ITGA10: variants seen among roughly 807,000 people sequenced by gnomAD.
ITGA10 encodes integrin alpha-10.
In ITGA10, 105 loss-of-function variants were observed where a neutral mutation model predicts 145.2. The ratio of observed to expected loss-of-function variants is 0.72; its 90% confidence interval spans 0.62 to 0.85. The LOEUF (loss-of-function observed/expected upper bound fraction) is 0.85, where lower values mean the gene tolerates loss of function less well. ITGA10 is among the 40% of genes least tolerant of loss of function. ITGA10 has a pLI of 0.00. For missense variants in ITGA10, 1,317 were observed against 1,444.5 expected, an observed-to-expected ratio of 0.91 and a Z score of 1.43; for synonymous variants, 506 against 557.8, an observed-to-expected ratio of 0.91 and a Z score of 1.31.
At position 145,910,044 on chromosome 1, in the gene ITGA10, G is replaced by A; in HGVS notation, c.-30C>T. On this transcript the variant is annotated 5_prime_UTR_variant, in exon 1 of 30. Transcript: ENST00000369304. The stretch of plus-strand genomic sequence containing the variant: ...GATCGGTTTCTGTCCAGTATGAGAA[G>A]TCCTCTGGCCTCTGTCCCTCTCCTT... 4 of 1,590,610 alleles carry A rather than the reference G, an allele frequency of 2.5e-6. No individual in the cohort carries two copies. Among genetic ancestry groups the A allele is most frequent in the South Asian group, 1.1e-5 (1 of 90,600 alleles).
chr1:145,895,284 C>T lies in ITGA10; in HGVS notation c.3224G>A (p.Arg1075Gln), dbSNP rs782157350. 4.5e-5 allele frequency: 72 copies of T among 1,611,380 alleles called. No homozygotes were observed. The highest frequency in any genetic ancestry group is 6.7e-5 in the East Asian group (3 of 44,880). The change falls in exon 27 of 30, where the codon CGA becomes CAA. Residue 1075 changes from arginine (R) to glutamine (Q), a missense_variant. Coordinates refer to ENST00000369304, the MANE Select transcript of ITGA10 (RefSeq NM_003637.5). ...ACTAGAAAAGGAAAGGCTTACTCTT[C>T]GGAAAAATTCATTGTGAACCAGCCT... The part of the protein sequence containing the change: ...LLRLVHNEFF[R>Q]RAKFKSLTVV...
At chr1:145,895,445 CT>C in intron 26 of ITGA10, 52 bp from the exon 27 acceptor site, 3 of 1,488,062 alleles carry the variant, frequency 2.0e-6, no homozygotes, top group Non-Finnish European at 1.9e-6. Context: ...TAGAAACATC[CT>C]CTTTCCCCAC....
chr1:145,899,158 G>T lies in ITGA10; in HGVS notation c.2089+17C>A, dbSNP rs1655874353. Reference sequence around the variant, plus strand: ...CAAGGAATTGAGAGTTGCCTGTGATGCATTTTAGTCACTCACAGAATTGGT... The same window carrying T: ...CAAGGAATTGAGAGTTGCCTGTGATTCATTTTAGTCACTCACAGAATTGGT... On this transcript the variant is annotated intron_variant, in intron 16 of 29. Coordinates refer to ENST00000369304, the MANE Select transcript of ITGA10 (RefSeq NM_003637.5). 1.2e-6 allele frequency: 2 copies of T among 1,614,072 alleles called. No individual in the cohort carries two copies. Among genetic ancestry groups the T allele is most frequent in the Non-Finnish European group, 1.7e-6 (2 of 1,180,012 alleles).
chr1:145,895,105 C>T (rs1056714253), intron 27 of ITGA10, among the ~76,000 whole-genome samples, 175 bp downstream of exon 27: 2 of 152,158 alleles, frequency 1.3e-5, no homozygotes, highest in African/African-American at 2.4e-5. Flanking sequence ...GTATTATCTT[C>T]CCATTTTAGA....
In ITGA10 at chr1:145,902,029, AC is replaced by A. The variant is rs782246144; in HGVS notation, c.1150-9del. ...CCCAAAAAGAATCCCATCCTGTGGG[AC>A]AGAAGCAGATGGGGTCACTGAGAAG... is the stretch of plus-strand genomic sequence containing the variant. On this transcript the variant is annotated splice_polypyrimidine_tract_variant and intron_variant, in intron 10 of 29. Transcript: ENST00000369304. 6.2e-7 allele frequency: 1 copy of A among 1,614,028 alleles called. No individual in the cohort carries two copies. Among genetic ancestry groups the A allele is most frequent in the Non-Finnish European group, 8.5e-7 (1 of 1,179,982 alleles).
intron 15 of ITGA10, among the ~76,000 whole-genome samples, 172 bp from the exon 16 acceptor site, chr1:145,899,513 C>CTT (rs111746738): frequency 1.4e-5 from 2 of 146,034 alleles, no homozygotes; most frequent in African/African-American, 2.5e-5. Context: ...TGTCATTGAT[C>CTT]TTTTTTTTTT....
chr1:145,895,250 G>A, intron 27 of ITGA10, 30 bp downstream of exon 27: 1 of 1,480,714 alleles, frequency 6.8e-7, no homozygotes, highest in Non-Finnish European at 9.4e-7. Context: ...AGGAGCAGAA[G>A]TGGGGAGTAC....
intron 7 of ITGA10, among the ~76,000 whole-genome samples, chr1:145,903,850 T>C (rs1309690241): frequency 6.6e-6 from 1 of 151,970 alleles, no homozygotes; most frequent in Non-Finnish European, 1.5e-5. Context: ...CCACCATGCC[T>C]GGCTAATTTT....
intron 2 of ITGA10, 35 bp downstream of exon 2, chr1:145,907,319 G>C (rs1553751657): frequency 6.2e-7 from 1 of 1,614,120 alleles, no homozygotes; most frequent in Non-Finnish European, 8.5e-7. Context: ...CACTACTGCA[G>C]TCCCAATCCC....
chr1:145,894,055 TACTA>T (rs1655053233), intron 27 of ITGA10, among the ~76,000 whole-genome samples: 1 of 149,990 alleles, frequency 6.7e-6, no homozygotes, highest in Non-Finnish European at 1.5e-5. Context: ...GGCTGTGCCT[TACTA>T]ACCTTTGTGT....
chr1:145,895,459 C>G, intron 26 of ITGA10, 66 bp from the exon 27 acceptor site: 1 of 1,419,724 alleles, frequency 7.0e-7, no homozygotes, highest in Non-Finnish European at 9.9e-7. Flanking sequence ...TTCCCCACCT[C>G]TAGTTCACAC....
At chr1:145,906,900 G>T in intron 3 of ITGA10, 76 bp from the exon 4 acceptor site, 1 of 1,241,928 alleles carries the variant, frequency 8.1e-7, no homozygotes, top group Non-Finnish European at 1.2e-6. Flanking sequence ...GATTTTGGAG[G>T]AGAATGAGCA....
chr1:145,902,142 G>A (rs587642837), intron 10 of ITGA10, 104 bp downstream of exon 10: 1 of 1,563,774 alleles, frequency 6.4e-7, no homozygotes, highest in African/African-American at 1.4e-5. Context: ...GGCATGGGAA[G>A]GTGAGCATGG....
Position 145,902,375 on chromosome 1 carries a change from C to T in ITGA10, c.1076-56G>A, listed in dbSNP as rs373660492. On this transcript the variant is annotated intron_variant, in intron 9 of 29. Coordinates refer to ENST00000369304, the MANE Select transcript of ITGA10 (RefSeq NM_003637.5). The stretch of plus-strand genomic sequence containing the variant: ...CAGGGGAAGACAGTTTCCCCTTTGA[C>T]CTACTGAACTCACTCCAGAGCCCCA... The T allele has an allele frequency of 9.1e-5, 146 of 1,608,378 alleles. 2 individuals are homozygous for T. In the South Asian group the frequency reaches 1.6e-3, roughly 18 times the overall value.
rs782781484 is a variant in ITGA10 at position 145,896,282 on chromosome 1, T to C, written c.2905A>G (p.Lys969Glu). The C allele has an allele frequency of 1.9e-6, 3 of 1,613,778 alleles. No homozygotes were observed. The Admixed American group carries it at 5.0e-5, about 27-fold the overall frequency. ...TLPVGPGPEF[K>E]TTLRVQNLGC... is the part of the protein sequence containing the mutation. The stretch of plus-strand genomic sequence containing the variant: ...CAGCTTCTCACCCTGAGAGTGGTTT[T>C]GAATTCTGGGCCAGGACCCACTGGG... Residue 969 changes from lysine to glutamate, a missense_variant, in exon 24 of 30, where the codon AAA becomes GAA. Coordinates refer to ENST00000369304, the MANE Select transcript of ITGA10 (RefSeq NM_003637.5).
chr1:145,894,312 G>A (rs1483327789), intron 27 of ITGA10, among the ~76,000 whole-genome samples: 1 of 151,818 alleles, frequency 6.6e-6, no homozygotes, highest in African/African-American at 2.4e-5. Context: ...GGGTTTCACC[G>A]TGTTAGCCAG....
In ITGA10 at chr1:145,902,492, A is replaced by G. The variant is rs1553749226; in HGVS notation, c.1037T>C (p.Ile346Thr). Residue 346 changes from isoleucine to threonine, a missense_variant, in exon 9 of 30, where the codon ATT (isoleucine) becomes ACT (threonine). Physicochemically the swap from Ile to Thr is moderately conservative, Grantham distance 89. Coordinates refer to ENST00000369304, the MANE Select transcript of ITGA10 (RefSeq NM_003637.5). ...AATCCGATCTCCTAGTGCATCCACA[A>G]TGTCAGTCAGAGCAGCCTCATCTGT... ...NVTDEAALTD[I>T]VDALGDRIFG... 15 of 1,613,258 alleles carry G rather than the reference A, an allele frequency of 9.3e-6. No individual in the cohort carries two copies. The highest frequency in any genetic ancestry group is 1.1e-5 in the Non-Finnish European group (13 of 1,179,634).
intron 5 of ITGA10, chr1:145,905,815 C>T (rs1553750851): frequency 6.6e-6 from 1 of 152,360 alleles, no homozygotes; most frequent in Non-Finnish European, 1.5e-5. Flanking sequence ...ACCTCCAGAC[C>T]TCAAGCAATC....
chr1:145,901,236 CT>C lies in ITGA10; in HGVS notation c.1485del (p.Asp496IlefsTer32). 1 of 1,614,108 alleles carries C rather than the reference CT, an allele frequency of 6.2e-7. No homozygotes were observed. Among genetic ancestry groups the C allele is most frequent in the Non-Finnish European group, 8.5e-7 (1 of 1,180,016 alleles). On this transcript the variant is annotated frameshift_variant, in exon 13 of 30. Transcript: ENST00000369304. LOFTEE classifies it high-confidence loss of function. This position sits in a 1 kb window ranked among gnomAD's most constrained non-coding sequence, Gnocchi z 4.3. ...AAGACATCAGTTGTTCCATCCCTAT[CT>C]GTATCCAATGGGCAGAGCTCACTGC... is the stretch of plus-strand genomic sequence containing the variant. ...YFGSELCPLD[T>X]DRDGTTDVLL...
Sources: allele counts gnomAD v4.1 joint callset (sites outside exome capture counted in the v4.1 genomes callset), GRCh38; gene constraint gnomAD v4.1.1; non-coding constraint Gnocchi (gnomAD v3.1); transcripts MANE v1.5; gene names NCBI Gene and HGNC (gene_info 2026-07-23, HGNC 2026-07-21).